The following ARHGAP42 variants were observed in gnomAD, a reference collection of about 807,000 sequenced individuals.
ARHGAP42 encodes rho GTPase-activating protein 42.
ARHGAP42 carries 63 observed loss-of-function variants against 125.0 expected under a neutral mutation model. The observed-to-expected ratio is 0.50, with a 90% confidence interval of 0.41 to 0.62. The LOEUF is 0.62. ARHGAP42 is among the 20% of genes least tolerant of loss of function. ARHGAP42 has a pLI of 0.00. For synonymous variants in ARHGAP42, 339 were observed against 351.0 expected (o/e 0.97, Z 0.38); for missense variants, 766 against 1,024.2 (o/e 0.75, Z 3.44).
chr11:100,873,625 G>GAT (rs2135162960), intron 4 of ARHGAP42, among the ~76,000 whole-genome samples: 1 of 152,218 alleles, frequency 6.6e-6, no homozygotes, highest in African/African-American at 2.4e-5. Context: ...TGAAGATCAG[G>GAT]ATATATATAA....
intron 5 of ARHGAP42, among the ~76,000 whole-genome samples, chr11:100,917,162 A>C (rs1002676614): frequency 6.6e-6 from 1 of 152,270 alleles, no homozygotes; most frequent in Middle Eastern, 3.4e-3. Context: ...TTTTACATTT[A>C]TAATTAAGAA....
Position 100,989,305 on chromosome 11 carries a change from A to G in ARHGAP42, c.*504A>G. 1 of 393,614 alleles carries G rather than the reference A, an allele frequency of 2.5e-6. No individual in the cohort carries two copies. Among genetic ancestry groups the G allele is most frequent in the Non-Finnish European group, 4.5e-6 (1 of 223,490 alleles). 24.4% of individuals were successfully genotyped at this position (393,614 alleles called of 1,614,324 possible). On this transcript the variant is annotated 3_prime_UTR_variant, in exon 24 of 24. Coordinates refer to ENST00000298815, the MANE Select transcript of ARHGAP42 (RefSeq NM_152432.4). ...TTGTTTTGCTGGTCCTAAACATTTC[A>G]AGGATGTAAGTCTTTGTTTTAATAT...
chr11:100,977,019 G>C, intron 21 of ARHGAP42, 48 bp downstream of exon 21: 2 of 1,540,882 alleles, frequency 1.3e-6, no homozygotes, highest in Non-Finnish European at 1.8e-6. Flanking sequence ...GATACAGAGA[G>C]GAGTTGAGTG....
chr11:100,730,921 G>A (rs1214161507), intron 1 of ARHGAP42, among the ~76,000 whole-genome samples: 1 of 152,014 alleles, frequency 6.6e-6, no homozygotes, highest in East Asian at 1.9e-4. Context: ...TATAGAAAGA[G>A]TACAGTAAAA....
At chr11:100,862,429 A>C (rs920803668) in intron 4 of ARHGAP42, among the ~76,000 whole-genome samples, 1 of 151,298 alleles carries the variant, frequency 6.6e-6, no homozygotes, top group South Asian at 2.1e-4. Flanking sequence ...TCTTTTTCTT[A>C]TTTGGAGGTT....
chr11:100,954,374 A>T (rs1163085856), intron 12 of ARHGAP42, among the ~76,000 whole-genome samples: 1 of 152,196 alleles, frequency 6.6e-6, no homozygotes, highest in Non-Finnish European at 1.5e-5. Context: ...TTATGTGTGT[A>T]ATGACAAAGT....
At chr11:100,818,870 A>G (rs1864336763) in intron 3 of ARHGAP42, among the ~76,000 whole-genome samples, 1 of 152,156 alleles carries the variant, frequency 6.6e-6, no homozygotes, top group Non-Finnish European at 1.5e-5. Context: ...GATTATGTAG[A>G]GGTAGAGATG....
intron 16 of ARHGAP42, 131 bp downstream of exon 16, chr11:100,962,598 C>CG: frequency 1.2e-6 from 1 of 808,982 alleles, no homozygotes; most frequent in East Asian, 3.0e-5. Flanking sequence ...TAATCTGGGC[C>CG]GGGTGCGGTG....
At chr11:100,717,554 A>G (rs912744598) in intron 1 of ARHGAP42, among the ~76,000 whole-genome samples, 4 of 146,010 alleles carry the variant, frequency 2.7e-5, no homozygotes, top group Admixed American at 1.4e-4. Context: ...GGAGAATGGC[A>G]TGAACCCGGG....
chr11:100,987,396 ATGTACATTATGTT>A, intron 22 of ARHGAP42, 104 bp from the exon 23 acceptor site: 1 of 809,894 alleles, frequency 1.2e-6, no homozygotes. Flanking sequence ...TATGCACTTT[ATGTACATTATGTT>A]CCAATTACAA....
chr11:100,962,668 G>C (rs1015523213), intron 16 of ARHGAP42, among the ~76,000 whole-genome samples: 2 of 151,996 alleles, frequency 1.3e-5, no homozygotes, highest in African/African-American at 4.8e-5. Context: ...CCTGAGGTCG[G>C]GAGTTCGAGA....
chr11:100,950,059 T>A, intron 12 of ARHGAP42, 103 bp downstream of exon 12: 1 of 603,670 alleles, frequency 1.7e-6, no homozygotes, highest in African/African-American at 1.9e-5. Context: ...ATAACACCAT[T>A]GATCTCATGG....
intron 3 of ARHGAP42, among the ~76,000 whole-genome samples, chr11:100,844,960 G>A (rs991353521): frequency 6.6e-6 from 1 of 151,984 alleles, no homozygotes; most frequent in South Asian, 2.1e-4. Context: ...AGGAAATGAA[G>A]TCATTATATG....
chr11:100,830,943 G>A (rs688844), intron 3 of ARHGAP42, among the ~76,000 whole-genome samples: 4,341 of 152,038 alleles, frequency 0.029, 219 homozygotes, highest in African/African-American at 0.098. Flanking sequence ...TTAAAATACC[G>A]TGAGTAATGT....
At chr11:100,842,076 A>T (rs1864958081) in intron 3 of ARHGAP42, among the ~76,000 whole-genome samples, 2 of 152,186 alleles carry the variant, frequency 1.3e-5, no homozygotes, top group South Asian at 4.1e-4. Context: ...GAAGTATTGC[A>T]AACTAAGCCA....
intron 4 of ARHGAP42, among the ~76,000 whole-genome samples, chr11:100,869,482 T>A (rs1865650932): frequency 1.3e-5 from 2 of 151,912 alleles, no homozygotes; most frequent in Admixed American, 6.6e-5. Context: ...CAGCCCTGAC[T>A]CCATTAACAC....
intron 17 of ARHGAP42, among the ~76,000 whole-genome samples, 179 bp downstream of exon 17, chr11:100,965,955 T>C (rs890248704): frequency 6.6e-6 from 1 of 152,228 alleles, no homozygotes; most frequent in Non-Finnish European, 1.5e-5. Context: ...TGTGTGTACC[T>C]GTATATGTTT....
At chr11:100,815,134 C>G (rs764327222) in intron 3 of ARHGAP42, among the ~76,000 whole-genome samples, 3 of 152,170 alleles carry the variant, frequency 2.0e-5, no homozygotes, top group Non-Finnish European at 4.4e-5. Flanking sequence ...ATTGTATAAC[C>G]TCTTTCAGCA....
chr11:100,734,059 C>G (rs1451639596), intron 1 of ARHGAP42, among the ~76,000 whole-genome samples: 5 of 146,630 alleles, frequency 3.4e-5, no homozygotes, highest in Non-Finnish European at 7.5e-5. Context: ...CTCAGCCTCC[C>G]GAGTAGCTGG....
Sources: gnomAD v4.1 joint callset for allele counts (sites outside exome capture counted in the v4.1 genomes callset) on GRCh38, gnomAD v4.1.1 for gene constraint, MANE v1.5 for transcripts, NCBI Gene and HGNC (gene_info 2026-07-23, HGNC 2026-07-21) for gene names.